Variants in RNF139 observed in about 807,000 individuals in gnomAD.
RNF139 encodes E3 ubiquitin-protein ligase RNF139.
Under a neutral mutation model 49.5 loss-of-function variants are expected in RNF139, and 15 were observed. That is an observed-to-expected ratio of 0.30 (90% CI 0.20 to 0.47). The LOEUF (loss-of-function observed/expected upper bound fraction) is 0.47. RNF139 is among the 20% of genes least tolerant of loss of function. RNF139 has a pLI of 1.00. For missense variants in RNF139, 619 were observed against 806.3 expected (o/e 0.77, Z 2.81); for synonymous variants, 325 against 300.9 (o/e 1.08, Z -0.83).
intron 1 of RNF139, among the ~76,000 whole-genome samples, chr8:124,481,023 T>C (rs1816398719): frequency 6.6e-6 from 1 of 152,184 alleles, no homozygotes; most frequent in African/African-American, 2.4e-5. Context: ...TCCATGTTCA[T>C]ATATTTTTGA....
intron 1 of RNF139, among the ~76,000 whole-genome samples, chr8:124,484,181 G>A (rs1167087055): frequency 1.3e-5 from 2 of 152,298 alleles, no homozygotes; most frequent in East Asian, 1.9e-4. Flanking sequence ...TGTAGCTATA[G>A]TGGAGAAAGG....
intron 1 of RNF139, among the ~76,000 whole-genome samples, chr8:124,485,442 T>A (rs1816511699): frequency 6.6e-6 from 1 of 152,238 alleles, no homozygotes; most frequent in South Asian, 2.1e-4. Context: ...ACCCAATTTT[T>A]AAAATTAATT....
chr8:124,483,479 C>G (rs1816483929), intron 1 of RNF139: 3 of 152,102 alleles, frequency 2.0e-5, no homozygotes, highest in South Asian at 4.2e-4. Context: ...CTCACTGTCA[C>G]CCAGGCTGGC....
Position 124,475,127 on chromosome 8 carries a change from C to A in RNF139, c.18C>A (p.Pro6=), listed in dbSNP as rs1158683647. 2 of 1,599,008 alleles carry A rather than the reference C, an allele frequency of 1.3e-6. No individual in the cohort carries two copies. Among genetic ancestry groups the A allele is most frequent in the Admixed American group, 1.7e-5 (1 of 59,164 alleles). Residue 6 remains proline, a synonymous_variant, in exon 1 of 2, where the codon CCC becomes CCA. Coordinates refer to ENST00000303545, the MANE Select transcript of RNF139 (RefSeq NM_007218.4). The part of the protein sequence containing the change: MAAVG[P]PQQQVRMAHQ... ...AGCGGCTCATGGCGGCCGTGGGGCC[C>A]CCGCAGCAGCAGGTGCGGATGGCCC...
chr8:124,480,223 A>C (rs1816385763), intron 1 of RNF139, among the ~76,000 whole-genome samples: 1 of 152,048 alleles, frequency 6.6e-6, no homozygotes, highest in Non-Finnish European at 1.5e-5. Flanking sequence ...AATTTTTAGA[A>C]AAAAATATGG....
chr8:124,483,581 C>T (rs940708219), intron 1 of RNF139, among the ~76,000 whole-genome samples: 3 of 151,946 alleles, frequency 2.0e-5, no homozygotes, highest in African/African-American at 4.8e-5. Flanking sequence ...AGTACAGGCA[C>T]GTGCTACCAC....
At chr8:124,482,346 GAATA>G (rs1816427909) in intron 1 of RNF139, among the ~76,000 whole-genome samples, 1 of 152,072 alleles carries the variant, frequency 6.6e-6, no homozygotes, top group African/African-American at 2.4e-5. Flanking sequence ...CAAAGCTCAT[GAATA>G]GTTACTGAAG....
chr8:124,482,991 TAAAAATATATATATTAAAAA>T (rs1816455293), intron 1 of RNF139, among the ~76,000 whole-genome samples: 1 of 99,804 alleles, frequency 1.0e-5, no homozygotes, highest in Non-Finnish European at 1.9e-5. Context: ...TATATATATT[TAAAAATATATATATTAAAAA>T]TATATATATA....
Position 124,487,357 on chromosome 8 carries a change from C to T in RNF139, c.1708C>T (p.Leu570Phe), listed in dbSNP as rs780437521. ...ITPCNHYFHA[L>F]CLRKWLYIQD... ...ACCGTGTAATCATTATTTCCATGCACTTTGCCTTCGGAAATGGCTGTACAT... is the reference window on the plus strand; with the variant it reads ...ACCGTGTAATCATTATTTCCATGCATTTTGCCTTCGGAAATGGCTGTACAT... The change falls in exon 2 of 2, where the codon CTT (leucine) becomes TTT (phenylalanine). Residue 570 changes from leucine to phenylalanine, a missense_variant. Transcript: ENST00000303545. The T allele has an allele frequency of 8.1e-6, 13 of 1,613,992 alleles. No homozygotes were observed. The highest frequency in any genetic ancestry group is 1.1e-5 in the Non-Finnish European group (13 of 1,180,004).
In RNF139 at chr8:124,488,330, G is replaced by A. The variant is rs1816587156; in HGVS notation, c.*686G>A. The stretch of plus-strand genomic sequence containing the variant: ...TTAGCCATTCTGTGTCTGCAGTATT[G>A]TCATAAAATTGTCCTTTCATTCTTT... On this transcript the variant is annotated 3_prime_UTR_variant, in exon 2 of 2. Coordinates refer to ENST00000303545, the MANE Select transcript of RNF139 (RefSeq NM_007218.4). 6.6e-6 allele frequency among the ~76,000 whole-genome samples: 1 copy of A among 152,152 alleles called. No individual in the cohort carries two copies. Among genetic ancestry groups the A allele is most frequent in the Admixed American group, 6.5e-5 (1 of 15,276 alleles).
chr8:124,488,521 CT>C lies in RNF139; in HGVS notation c.*880del. On this transcript the variant is annotated 3_prime_UTR_variant, in exon 2 of 2. Transcript: ENST00000303545. ...TCTTTAGACAACTTGCAGATAATTT[CT>C]TTATTGAAACTATCAGGAAGTTTTA... The C allele has an allele frequency of 1.3e-6, 1 of 758,674 alleles. No homozygotes were observed. The highest frequency in any genetic ancestry group is 1.7e-5 in the South Asian group (1 of 58,980). The allele number at this position is 758,674 out of a possible 1,614,324, so 47.0% of individuals were successfully genotyped here. A position where few individuals can be genotyped will look rare whatever the true frequency, so the allele number is the denominator to read the frequency against.
rs1235955087 is a variant in RNF139, at chr8:124,487,910, A to T, written c.*266A>T. The stretch of plus-strand genomic sequence containing the variant: ...CACATTTTTATGACAAAATTTGAAC[A>T]AATAGCTTTTTAATAGATGTAATGA... On this transcript the variant is annotated 3_prime_UTR_variant, in exon 2 of 2. Coordinates refer to ENST00000303545, the MANE Select transcript of RNF139 (RefSeq NM_007218.4). 1 of 346,592 alleles carries T rather than the reference A, an allele frequency of 2.9e-6. No individual in the cohort carries two copies. The highest frequency in any genetic ancestry group is 5.2e-6 in the Non-Finnish European group (1 of 192,000). 21.5% of individuals were successfully genotyped at this position (346,592 alleles called of 1,614,324 possible). A position where few individuals can be genotyped will look rare whatever the true frequency, so the allele number is the denominator to read the frequency against.
chr8:124,475,414 C>T, intron 1 of RNF139, 124 bp downstream of exon 1: 2 of 982,406 alleles, frequency 2.0e-6, no homozygotes, highest in South Asian at 3.2e-5. Flanking sequence ...AGTTTCATCC[C>T]TCAAAGGGTC....
At chr8:124,479,829 A>G (rs1023396455) in intron 1 of RNF139, among the ~76,000 whole-genome samples, 1 of 152,210 alleles carries the variant, frequency 6.6e-6, no homozygotes, top group Admixed American at 6.5e-5. Flanking sequence ...AAGTACATTG[A>G]GGTAAATATG....
chr8:124,475,729 C>T (rs1816303191), intron 1 of RNF139, among the ~76,000 whole-genome samples: 1 of 152,204 alleles, frequency 6.6e-6, no homozygotes. Context: ...GTTGTCACTT[C>T]TGCTGCACCC....
At chr8:124,481,107 T>G (rs1174021338) in intron 1 of RNF139, among the ~76,000 whole-genome samples, 1 of 152,212 alleles carries the variant, frequency 6.6e-6, no homozygotes, top group African/African-American at 2.4e-5. Flanking sequence ...AATACCAGGT[T>G]TTTTTTCAAC....
At chr8:124,484,184 G>C (rs949823288) in intron 1 of RNF139, among the ~76,000 whole-genome samples, 1 of 152,168 alleles carries the variant, frequency 6.6e-6, no homozygotes, top group Admixed American at 6.5e-5. Flanking sequence ...AGCTATAGTG[G>C]AGAAAGGAAT....
At chr8:124,485,140 GATCACTTGAC>G (rs1816507334) in intron 1 of RNF139, among the ~76,000 whole-genome samples, 1 of 152,150 alleles carries the variant, frequency 6.6e-6, no homozygotes, top group Non-Finnish European at 1.5e-5. Flanking sequence ...AAGGCGGGCG[GATCACTTGAC>G]GTCAGGAGTT....
Position 124,475,309 on chromosome 8 carries a change from G to C in RNF139, c.181+19G>C, listed in dbSNP as rs746648375. 1.9e-6 allele frequency: 3 copies of C among 1,597,458 alleles called. No individual in the cohort carries two copies. Among genetic ancestry groups the C allele is most frequent in the Admixed American group, 3.4e-5 (2 of 58,432 alleles). ...CTCTTTGGTAAGGGAACAGGGTACC[G>C]TACGTCCCGGGACGGCTATGCGGGC... On this transcript the variant is annotated intron_variant, in intron 1 of 1. Coordinates refer to ENST00000303545, the MANE Select transcript of RNF139 (RefSeq NM_007218.4).
Sources: allele counts gnomAD v4.1 joint callset (sites outside exome capture counted in the v4.1 genomes callset), GRCh38; gene constraint gnomAD v4.1.1; transcripts MANE v1.5; gene names NCBI Gene and HGNC (gene_info 2026-07-23, HGNC 2026-07-21).